Variants in LIF observed in about 807,000 individuals in gnomAD.
LIF encodes the protein leukemia inhibitory factor.
LIF carries 9 observed loss-of-function variants against 15.0 expected under a neutral mutation model. That is an observed-to-expected ratio of 0.60 (90% CI 0.36 to 1.04). The LOEUF is 1.04. Ranked by LOEUF, LIF falls within the 50% of genes least tolerant of loss-of-function variation. The pLI, the probability that LIF is intolerant of heterozygous loss-of-function variation, is 0.01. For synonymous variants in LIF, 122 were observed against 119.7 expected (o/e 1.02, Z -0.13); for missense variants, 240 against 266.7 (o/e 0.90, Z 0.70).
chr22:30,243,571 C>A lies in LIF; in HGVS notation c.*80G>T. 1 of 1,592,322 alleles carries A rather than the reference C, an allele frequency of 6.3e-7. No homozygotes were observed. The highest frequency in any genetic ancestry group is 8.6e-7 in the Non-Finnish European group (1 of 1,165,150). On this transcript the variant is annotated 3_prime_UTR_variant, in exon 3 of 3. Transcript: ENST00000249075. This position sits in a 1 kb window ranked among gnomAD's most constrained non-coding sequence, Gnocchi z 6.0. ...TTGGGTTTAGCGATGCCCTGGGCCC[C>A]AGCCACCCTTGGACAGGCCCCCACA...
Position 30,243,740 on chromosome 22 carries a change from C to T in LIF, c.520G>A (p.Gly174Ser). The change falls in exon 3 of 3, where the codon GGT becomes AGT. Residue 174 changes from glycine (G) to serine (S), a missense_variant. Gly to Ser is a moderately conservative substitution (Grantham distance 56). Coordinates refer to ENST00000249075, the MANE Select transcript of LIF (RefSeq NM_002309.5). This position sits in a 1 kb window ranked among gnomAD's most constrained non-coding sequence, Gnocchi z 6.0. ...TTCTTCTTCTGGAAGACATCCTTACCCGAGGTGTCAGGGCCGTAGGTCACG... is the reference window on the plus strand; with the variant it reads ...TTCTTCTTCTGGAAGACATCCTTACTCGAGGTGTCAGGGCCGTAGGTCACG... Reference protein sequence around the residue: ...VDVTYGPDTSGKDVFQKKKLG... With the variant: ...VDVTYGPDTSSKDVFQKKKLG... 1 of 1,614,266 alleles carries T rather than the reference C, an allele frequency of 6.2e-7. No homozygotes were observed. Among genetic ancestry groups the T allele is most frequent in the Non-Finnish European group, 8.5e-7 (1 of 1,180,048 alleles).
In LIF at chr22:30,243,508, C is replaced by G. The variant is rs934492427; in HGVS notation, c.*143G>C. ...ACAGCCCAGCCCAGAGTGGAGTGGA[C>G]TGGCCAGGCACCCTCGGGGTCTGCC... On this transcript the variant is annotated 3_prime_UTR_variant, in exon 3 of 3. Transcript: ENST00000249075. This position sits in a 1 kb window ranked among gnomAD's most constrained non-coding sequence, Gnocchi z 6.0. 3 of 962,084 alleles carry G rather than the reference C, an allele frequency of 3.1e-6. No individual in the cohort carries two copies. The South Asian group carries it at 4.0e-5, about 13-fold the overall frequency. 59.6% of individuals were successfully genotyped at this position (962,084 alleles called of 1,614,324 possible).
chr22:30,246,739 C>CG lies in LIF; in HGVS notation c.-45dup. On this transcript the variant is annotated 5_prime_UTR_variant, in exon 1 of 3. Transcript: ENST00000249075. Reference sequence around the variant, plus strand: ...GGGCCTTGGAGGAAACCTCAGATGCCGGCAGTTTTCAGAGGTTCATGCTCA... The same window carrying CG: ...GGGCCTTGGAGGAAACCTCAGATGCCGGGCAGTTTTCAGAGGTTCATGCTCA... The CG allele has an allele frequency of 6.5e-7, 1 of 1,550,122 alleles. No individual in the cohort carries two copies.
Position 30,243,540 on chromosome 22 carries a change from C to T in LIF, c.*111G>A, listed in dbSNP as rs2123832318. 14 of 1,383,218 alleles carry T rather than the reference C, an allele frequency of 1.0e-5. No homozygotes were observed. Among genetic ancestry groups the T allele is most frequent in the Admixed American group, 1.7e-5 (1 of 58,948 alleles). The allele number at this position is 1,383,218 out of a possible 1,614,324, so 85.7% of individuals were successfully genotyped here. A position where few individuals can be genotyped will look rare whatever the true frequency, so the allele number is the denominator to read the frequency against. On this transcript the variant is annotated 3_prime_UTR_variant, in exon 3 of 3. Coordinates refer to ENST00000249075, the MANE Select transcript of LIF (RefSeq NM_002309.5). The surrounding 1 kb of genome is among the most constrained non-coding windows in gnomAD (Gnocchi z 6.0). ...GGCACCCTCGGGGTCTGCCAGCAGCCCCCATTTGGGTTTAGCGATGCCCTG... is the reference window on the plus strand; with the variant it reads ...GGCACCCTCGGGGTCTGCCAGCAGCTCCCATTTGGGTTTAGCGATGCCCTG...
At position 30,243,599 on chromosome 22, in the gene LIF, T is replaced by G; in HGVS notation, c.*52A>C. 6.2e-7 allele frequency: 1 copy of G among 1,612,368 alleles called. No individual in the cohort carries two copies. Among genetic ancestry groups the G allele is most frequent in the Non-Finnish European group, 8.5e-7 (1 of 1,179,228 alleles). ...CCACCCTTGGACAGGCCCCCACATC[T>G]GGACCCAACTCCTGAGATCCCTCGG... On this transcript the variant is annotated 3_prime_UTR_variant, in exon 3 of 3. Transcript: ENST00000249075. This position sits in a 1 kb window ranked among gnomAD's most constrained non-coding sequence, Gnocchi z 6.0.
Position 30,243,764 on chromosome 22 carries a change from C to T in LIF, c.496G>A (p.Val166Met), listed in dbSNP as rs1278814362. 6 of 1,614,264 alleles carry T rather than the reference C, an allele frequency of 3.7e-6. No homozygotes were observed. The highest frequency in any genetic ancestry group is 1.1e-5 in the South Asian group (1 of 91,088). The change falls in exon 3 of 3, where the codon GTG (valine) becomes ATG (methionine). Residue 166 changes from valine (V) to methionine (M), a missense_variant. Coordinates refer to ENST00000249075, the MANE Select transcript of LIF (RefSeq NM_002309.5). The surrounding 1 kb of genome is among the most constrained non-coding windows in gnomAD (Gnocchi z 6.0). Reference protein sequence around the residue: ...CSKYHVGHVDVTYGPDTSGKD... With the variant: ...CSKYHVGHVDMTYGPDTSGKD... ...CCCGAGGTGTCAGGGCCGTAGGTCA[C>T]GTCCACATGGCCCACGTGGTACTTG...
intron 1 of LIF, among the ~76,000 whole-genome samples, chr22:30,245,952 C>T (rs1200916884): frequency 1.3e-5 from 2 of 152,220 alleles, no homozygotes; most frequent in Non-Finnish European, 2.9e-5. Flanking sequence ...AGACGCTTTT[C>T]CAGGGCTCTG....
chr22:30,242,799 C>T lies in LIF; in HGVS notation c.*852G>A, dbSNP rs1280638702. 2 of 152,982 alleles carry T rather than the reference C, an allele frequency of 1.3e-5. No individual in the cohort carries two copies. The highest frequency in any genetic ancestry group is 3.8e-4 in the East Asian group (2 of 5,314). The allele number at this position is 152,982 out of a possible 1,614,324, so 9.5% of individuals were successfully genotyped here. ...CCAGCCCCTTCTTACAGACCTTTAC[C>T]CAGAGGAAGAGCCTGGGTCCCTCAG... On this transcript the variant is annotated 3_prime_UTR_variant, in exon 3 of 3. Transcript: ENST00000249075.
In LIF at chr22:30,244,071, A is replaced by T; in HGVS notation, c.199-10T>A. 1 of 1,593,788 alleles carries T rather than the reference A, an allele frequency of 6.3e-7. No homozygotes were observed. The highest frequency in any genetic ancestry group is 8.5e-7 in the Non-Finnish European group (1 of 1,170,372). On this transcript the variant is annotated splice_polypyrimidine_tract_variant and intron_variant, in intron 2 of 2. Coordinates refer to ENST00000249075, the MANE Select transcript of LIF (RefSeq NM_002309.5). ...CCCCCTGGGCTGTGTACTGAGGGGCAGAAGGGAGGTGACGTGGGAGTCAGG... is the reference window on the plus strand; with the variant it reads ...CCCCCTGGGCTGTGTACTGAGGGGCTGAAGGGAGGTGACGTGGGAGTCAGG...
Position 30,244,028 on chromosome 22 carries a change from G to A in LIF, c.232C>T (p.Leu78=). The change falls in exon 3 of 3, where the codon CTG becomes TTG. Residue 78 remains leucine, a synonymous_variant. Transcript: ENST00000249075. ...ACGTTGGGGCCACATAGCTTGTCCAGGTTGTTGGGGAACGGCTCCCCCTGG... is the reference window on the plus strand; with the variant it reads ...ACGTTGGGGCCACATAGCTTGTCCAAGTTGTTGGGGAACGGCTCCCCCTGG... ...TAQGEPFPNN[L]DKLCGPNVTD... The A allele has an allele frequency of 6.2e-7, 1 of 1,611,724 alleles. No homozygotes were observed. Among genetic ancestry groups the A allele is most frequent in the Non-Finnish European group, 8.5e-7 (1 of 1,179,516 alleles).
rs1928624819 is a variant in LIF, at chr22:30,240,499, A to G, written c.*3152T>C. 1 of 152,340 alleles carries G rather than the reference A, an allele frequency of 6.6e-6. No individual in the cohort carries two copies. The highest frequency in any genetic ancestry group is 2.4e-5 in the African/African-American group (1 of 41,446). 9.4% of individuals were successfully genotyped at this position (152,340 alleles called of 1,614,324 possible). A position where few individuals can be genotyped will look rare whatever the true frequency, so the allele number is the denominator to read the frequency against. On this transcript the variant is annotated 3_prime_UTR_variant, in exon 3 of 3. Coordinates refer to ENST00000249075, the MANE Select transcript of LIF (RefSeq NM_002309.5). ...TTTCTCTTTTTTTTCTTAAAAAAAA[A>G]AGTATTCATTTGGTATAAAAAATAA... is the stretch of plus-strand genomic sequence containing the variant.
Position 30,243,990 on chromosome 22 carries a change from C to G in LIF, c.270G>C (p.Pro90=), listed in dbSNP as rs377635142. Residue 90 remains proline (P), a synonymous_variant, in exon 3 of 3, where the codon CCG becomes CCC. Coordinates refer to ENST00000249075, the MANE Select transcript of LIF (RefSeq NM_002309.5). The surrounding 1 kb of genome is among the most constrained non-coding windows in gnomAD (Gnocchi z 6.0). ...KLCGPNVTDF[P]PFHANGTEKA... ...TCTCCGTGCCGTTGGCGTGGAAGGG[C>G]GGGAAGTCCGTCACGTTGGGGCCAC... 1.9e-6 allele frequency: 3 copies of G among 1,613,856 alleles called. No individual in the cohort carries two copies.
At chr22:30,245,358 C>A (rs372931136) in intron 1 of LIF, among the ~76,000 whole-genome samples, 2 of 152,294 alleles carry the variant, frequency 1.3e-5, no homozygotes, top group South Asian at 4.1e-4. Context: ...CCCGTGGTGG[C>A]CCAGGTTCCT....
rs1270576798 is a variant in LIF at position 30,241,527 on chromosome 22, A to T, written c.*2124T>A. 6.5e-6 allele frequency: 1 copy of T among 152,876 alleles called. No homozygotes were observed. The highest frequency in any genetic ancestry group is 2.4e-5 in the African/African-American group (1 of 41,448). 9.5% of individuals were successfully genotyped at this position (152,876 alleles called of 1,614,324 possible). Reference sequence around the variant, plus strand: ...ACTCCGGGCCGCACCCTCCACCCCAACCCCAGGCCTCAGGACCTGCCTGCA... The same window carrying T: ...ACTCCGGGCCGCACCCTCCACCCCATCCCCAGGCCTCAGGACCTGCCTGCA... On this transcript the variant is annotated 3_prime_UTR_variant, in exon 3 of 3. Coordinates refer to ENST00000249075, the MANE Select transcript of LIF (RefSeq NM_002309.5). This position sits in a 1 kb window ranked among gnomAD's most constrained non-coding sequence, Gnocchi z 4.4.
In LIF at chr22:30,241,237, G is replaced by C. The variant is rs1013810603; in HGVS notation, c.*2414C>G. ...GAGCGACTCAGAGCCAGGGCCGCAA[G>C]GTGGGCCTGGCACAGAGCTCCCAAG... On this transcript the variant is annotated 3_prime_UTR_variant, in exon 3 of 3. Transcript: ENST00000249075. This position sits in a 1 kb window ranked among gnomAD's most constrained non-coding sequence, Gnocchi z 4.4. 1 of 152,356 alleles carries C rather than the reference G, an allele frequency of 6.6e-6. No homozygotes were observed. Among genetic ancestry groups the C allele is most frequent in the African/African-American group, 2.4e-5 (1 of 41,468 alleles). 9.4% of individuals were successfully genotyped at this position (152,356 alleles called of 1,614,324 possible).
At position 30,244,908 on chromosome 22, in the gene LIF, C is replaced by A. The variant is rs1928821637; in HGVS notation, c.45G>T (p.Leu15=). Residue 15 remains leucine, a synonymous_variant, in exon 2 of 3, where the codon CTG becomes CTT. Coordinates refer to ENST00000249075, the MANE Select transcript of LIF (RefSeq NM_002309.5). The stretch of plus-strand genomic sequence containing the variant: ...GGCTCCCCGCCCCATGTTTCCAGTG[C>A]AGAACCAACAGCAGGGGCACAACTC... The part of the protein sequence containing the change: ...AAGVVPLLLV[L]HWKHGAGSPL... 1 of 1,613,970 alleles carries A rather than the reference C, an allele frequency of 6.2e-7. No individual in the cohort carries two copies. The highest frequency in any genetic ancestry group is 1.7e-5 in the Admixed American group (1 of 60,006).
Position 30,240,923 on chromosome 22 carries a change from G to A in LIF, c.*2728C>T, listed in dbSNP as rs556816291. 2.6e-5 allele frequency: 4 copies of A among 152,372 alleles called. No homozygotes were observed. Among genetic ancestry groups the A allele is most frequent in the African/African-American group, 7.2e-5 (3 of 41,580 alleles). 9.4% of individuals were successfully genotyped at this position (152,372 alleles called of 1,614,324 possible). On this transcript the variant is annotated 3_prime_UTR_variant, in exon 3 of 3. Coordinates refer to ENST00000249075, the MANE Select transcript of LIF (RefSeq NM_002309.5). ...GGAGGACGATGGGGACGATGGGGAG[G>A]AGAGACAAGTAAACTAGCAGTGCTT...
chr22:30,243,303 G>A lies in LIF; in HGVS notation c.*348C>T. The A allele has an allele frequency of 2.5e-6, 1 of 397,298 alleles. No homozygotes were observed. Among genetic ancestry groups the A allele is most frequent in the South Asian group, 2.2e-5 (1 of 45,088 alleles). The allele number at this position is 397,298 out of a possible 1,614,324, so 24.6% of individuals were successfully genotyped here. On this transcript the variant is annotated 3_prime_UTR_variant, in exon 3 of 3. Coordinates refer to ENST00000249075, the MANE Select transcript of LIF (RefSeq NM_002309.5). The surrounding 1 kb of genome is among the most constrained non-coding windows in gnomAD (Gnocchi z 6.0). ...CCTGGGCCCTGCTGTCTCACCCTGT[G>A]GTCAGGGCTCTTGTAGATGACTTGT...
rs1017300612 is a variant in LIF at position 30,243,229 on chromosome 22, G to A, written c.*422C>T. On this transcript the variant is annotated 3_prime_UTR_variant, in exon 3 of 3. Transcript: ENST00000249075. This position sits in a 1 kb window ranked among gnomAD's most constrained non-coding sequence, Gnocchi z 6.0. The stretch of plus-strand genomic sequence containing the variant: ...GGCCCACCTAAGTCCCAACCTAAGG[G>A]GCAGCAAAGGCACAGATGGTGATAA... 3.4e-6 allele frequency: 1 copy of A among 292,392 alleles called. No individual in the cohort carries two copies. Among genetic ancestry groups the A allele is most frequent in the Non-Finnish European group, 6.7e-6 (1 of 150,286 alleles). 18.1% of individuals were successfully genotyped at this position (292,392 alleles called of 1,614,324 possible).
Sources: allele counts gnomAD v4.1 joint callset (sites outside exome capture counted in the v4.1 genomes callset), GRCh38; gene constraint gnomAD v4.1.1; non-coding constraint Gnocchi (gnomAD v3.1); transcripts MANE v1.5; gene names NCBI Gene and HGNC (gene_info 2026-07-23, HGNC 2026-07-21).